EPHA3: variants seen among roughly 807,000 people sequenced by gnomAD.
EPHA3 encodes EPH receptor A3, also known as ephrin type-A receptor 3.
A neutral mutation model predicts 107.1 loss-of-function variants in EPHA3; 42 were observed. The observed-to-expected ratio is 0.39, with a 90% CI of 0.31 to 0.51. The LOEUF (loss-of-function observed/expected upper bound fraction) is 0.51, where lower values mean the gene tolerates loss of function less well. Among genes scored for constraint, EPHA3 ranks in the 20% least tolerant of loss-of-function variants. EPHA3 has a pLI of 0.78. For missense variants in EPHA3, 1,183 were observed against 1,211.2 expected (o/e 0.98, Z 0.35); for synonymous variants, 461 against 424.8 (o/e 1.09, Z -1.05).
chr3:89,299,008 G>T (rs1485713736), intron 3 of EPHA3, among the ~76,000 whole-genome samples: 19 of 152,052 alleles, frequency 1.2e-4, no homozygotes, highest in Non-Finnish European at 1.5e-5. Context: ...ATATAAAGAT[G>T]TGTTGTACAA....
At chr3:89,358,351 T>TA (rs985403986) in intron 5 of EPHA3, among the ~76,000 whole-genome samples, 10 of 149,966 alleles carry the variant, frequency 6.7e-5, no homozygotes, top group African/African-American at 1.5e-4. Context: ...AAATGTGGTC[T>TA]AAAAAAAAAC....
rs1708031755 is a variant in EPHA3 at position 89,359,162 on chromosome 3, C to T, written c.1306+17072C>T. 2.0e-5 allele frequency among the ~76,000 whole-genome samples: 3 copies of T among 151,120 alleles called. No individual in the cohort carries two copies. In the Admixed American group the frequency reaches 2.0e-4, roughly 10 times the overall value. On this transcript the variant is annotated intron_variant, in intron 5 of 16. Transcript: ENST00000336596. ...TTAGTATGAAAGTGACTCCTTATTT[C>T]AGATAAAGACAATGTCTAAAGTTTA...
intron 5 of EPHA3, among the ~76,000 whole-genome samples, chr3:89,364,154 C>T (rs1193011129): frequency 6.6e-6 from 1 of 150,844 alleles, no homozygotes; most frequent in Non-Finnish European, 1.5e-5. Context: ...CACTGTTTCC[C>T]TTTACCGACC....
chr3:89,123,470 C>T (rs1446407948), intron 1 of EPHA3, among the ~76,000 whole-genome samples: 3 of 151,986 alleles, frequency 2.0e-5, no homozygotes, highest in East Asian at 3.9e-4. Flanking sequence ...TCCTTTACTC[C>T]ATTCTACACC....
At position 89,220,051 on chromosome 3, in the gene EPHA3, A is replaced by G. The variant is rs527626705; in HGVS notation, c.814+9531A>G. On this transcript the variant is annotated intron_variant, in intron 3 of 16. Coordinates refer to ENST00000336596, the MANE Select transcript of EPHA3 (RefSeq NM_005233.6). ...TCACAGCTGAAGAAAGGGGTTGCTTACTGGCACCTCCTGTTTAGATGCCAC... is the reference window on the plus strand; with the variant it reads ...TCACAGCTGAAGAAAGGGGTTGCTTGCTGGCACCTCCTGTTTAGATGCCAC... Among the ~76,000 whole-genome samples the G allele has an allele frequency of 6.6e-5, 10 of 152,234 alleles. No homozygotes were observed. The South Asian group carries it at 1.4e-3, about 22-fold the overall frequency.
Position 89,115,147 on chromosome 3 carries a change from G to C in EPHA3, c.88+7311G>C, listed in dbSNP as rs527503172. Among the ~76,000 whole-genome samples the C allele has an allele frequency of 2.0e-5, 3 of 152,176 alleles. No individual in the cohort carries two copies. The South Asian group carries it at 6.2e-4, about 32-fold the overall frequency. ...TCACAGGAGTTGCCTCATACGCCCT[G>C]TTGTGCAGCTTGCTGATTTCTAACC... On this transcript the variant is annotated intron_variant, in intron 1 of 16. Transcript: ENST00000336596.
chr3:89,264,542 C>A (rs1705492700), intron 3 of EPHA3, among the ~76,000 whole-genome samples: 1 of 152,128 alleles, frequency 6.6e-6, no homozygotes, highest in African/African-American at 2.4e-5. Flanking sequence ...TAGATGAGTT[C>A]TCTTTTTATA....
At chr3:89,145,861 C>G (rs1304878619) in intron 2 of EPHA3, among the ~76,000 whole-genome samples, 1 of 151,544 alleles carries the variant, frequency 6.6e-6, no homozygotes, top group Non-Finnish European at 1.5e-5. Flanking sequence ...GAAGACACCA[C>G]TGTGTAATAA....
intron 2 of EPHA3, among the ~76,000 whole-genome samples, chr3:89,141,798 T>A (rs2107017935): frequency 6.6e-6 from 1 of 151,666 alleles, no homozygotes; most frequent in Middle Eastern, 3.4e-3. Flanking sequence ...CACATATATC[T>A]GCATCTATAA....
At chr3:89,175,001 C>T (rs1247742023) in intron 2 of EPHA3, among the ~76,000 whole-genome samples, 1 of 150,970 alleles carries the variant, frequency 6.6e-6, no homozygotes, top group Admixed American at 6.6e-5. Flanking sequence ...CTGCATAATA[C>T]TTTTTCTGTT....
chr3:89,270,281 CATT>C (rs1469508560), intron 3 of EPHA3, among the ~76,000 whole-genome samples: 1 of 151,950 alleles, frequency 6.6e-6, no homozygotes, highest in Non-Finnish European at 1.5e-5. Flanking sequence ...CACTGTCAGT[CATT>C]ATTTGAGTTG....
chr3:89,357,479 A>G (rs1707992219), intron 5 of EPHA3, among the ~76,000 whole-genome samples: 1 of 151,070 alleles, frequency 6.6e-6, no homozygotes, highest in Non-Finnish European at 1.5e-5. Flanking sequence ...CTTTACTTTT[A>G]TTTGTTTAGC....
chr3:89,352,208 G>T (rs1707841468), intron 5 of EPHA3, among the ~76,000 whole-genome samples: 1 of 151,242 alleles, frequency 6.6e-6, no homozygotes, highest in South Asian at 2.1e-4. Flanking sequence ...TACTTAATTT[G>T]ATGATCAAAG....
chr3:89,107,855 C>A lies in EPHA3; in HGVS notation c.88+19C>A, dbSNP rs372119203. On this transcript the variant is annotated intron_variant, in intron 1 of 16. Coordinates refer to ENST00000336596, the MANE Select transcript of EPHA3 (RefSeq NM_005233.6). ...AATGAAGGTAAGCCAGGTACCGCGA[C>A]GCACGGAGCTCTGCCCCGCGGGGCT... 12 of 1,611,338 alleles carry A rather than the reference C, an allele frequency of 7.4e-6. No individual in the cohort carries two copies. Among genetic ancestry groups the A allele is most frequent in the South Asian group, 6.6e-5 (6 of 91,030 alleles).
chr3:89,345,187 G>C (rs1354801942), intron 5 of EPHA3, among the ~76,000 whole-genome samples: 11 of 151,012 alleles, frequency 7.3e-5, no homozygotes, highest in African/African-American at 2.4e-4. Flanking sequence ...AATGATCTCA[G>C]ACTAGAATAA....
intron 13 of EPHA3, among the ~76,000 whole-genome samples, chr3:89,443,785 G>A (rs1358714526): frequency 6.6e-6 from 1 of 152,098 alleles, no homozygotes; most frequent in East Asian, 1.9e-4. Flanking sequence ...GATTAGGCAG[G>A]ATAATAAAGC....
intron 3 of EPHA3, among the ~76,000 whole-genome samples, chr3:89,313,579 C>T: frequency 6.6e-6 from 1 of 151,916 alleles, no homozygotes; most frequent in East Asian, 1.9e-4. Context: ...CAAGTGGGCA[C>T]TAAATTACTT....
chr3:89,433,176 G>T (rs767459655), intron 13 of EPHA3, among the ~76,000 whole-genome samples: 8 of 152,010 alleles, frequency 5.3e-5, no homozygotes, highest in Non-Finnish European at 1.2e-4. Context: ...GCTGTAGTTT[G>T]TTATCAATTT....
chr3:89,430,669 T>G (rs2107536198), intron 12 of EPHA3, among the ~76,000 whole-genome samples: 1 of 152,276 alleles, frequency 6.6e-6, no homozygotes, highest in South Asian at 2.1e-4. Flanking sequence ...CCAATAAATA[T>G]TTTTGACTAA....
Sources: allele counts gnomAD v4.1 joint callset (sites outside exome capture counted in the v4.1 genomes callset), GRCh38; gene constraint gnomAD v4.1.1; transcripts MANE v1.5; gene names NCBI Gene and HGNC (gene_info 2026-07-23, HGNC 2026-07-21).